Variants in KIRREL3 observed in about 807,000 individuals in gnomAD.
KIRREL3 encodes kirre like nephrin family adhesion molecule 3, also known as kin of IRRE-like protein 3.
Under a neutral mutation model 89.7 loss-of-function variants are expected in KIRREL3, and 36 were observed. The ratio of observed to expected loss-of-function variants is 0.40; its 90% CI spans 0.31 to 0.53. The LOEUF (loss-of-function observed/expected upper bound fraction) is 0.53. Ranked by LOEUF, KIRREL3 falls within the 20% of genes least tolerant of loss-of-function variation. The pLI, the probability that KIRREL3 is intolerant of heterozygous loss-of-function variation, is 0.49. For missense variants in KIRREL3, 864 were observed against 1,056.6 expected (o/e 0.82, Z 2.53); for synonymous variants, 445 against 441.4 (o/e 1.01, Z -0.10).
intron 1 of KIRREL3, among the ~76,000 whole-genome samples, chr11:126,760,840 T>A (rs1949645700): frequency 6.6e-6 from 1 of 152,238 alleles, no homozygotes; most frequent in Admixed American, 6.5e-5. Flanking sequence ...TAGGATTGTT[T>A]TAAGGATTCT....
Position 126,752,326 on chromosome 11 carries a change from C to A in KIRREL3, c.56-189414G>T, listed in dbSNP as rs1949362116. On this transcript the variant is annotated intron_variant, in intron 1 of 16. Transcript: ENST00000525144. The surrounding 1 kb of genome is among the most constrained non-coding windows in gnomAD (Gnocchi z 4.8). The stretch of plus-strand genomic sequence containing the variant: ...CCTCACTTTTGGATTTTGCAGATTC[C>A]TTTCCTGAGAGTTGAAATGATGGCT... 6.6e-6 allele frequency among the ~76,000 whole-genome samples: 1 copy of A among 151,996 alleles called. No individual in the cohort carries two copies. The highest frequency in any genetic ancestry group is 2.1e-4 in the South Asian group (1 of 4,804).
rs1360248617 is a variant in KIRREL3, at chr11:126,606,005, C to T, written c.56-43093G>A. The stretch of plus-strand genomic sequence containing the variant: ...TAGTGTGGTCCAGAGGGACGCAGGC[C>T]ATCTTGGGAAGGAATCCCAGTTGAC... On this transcript the variant is annotated intron_variant, in intron 1 of 16. Coordinates refer to ENST00000525144, the MANE Select transcript of KIRREL3 (RefSeq NM_032531.4). The surrounding 1 kb of genome is among the most constrained non-coding windows in gnomAD (Gnocchi z 4.6). Among the ~76,000 whole-genome samples the T allele has an allele frequency of 6.6e-6, 1 of 152,158 alleles. No homozygotes were observed. Among genetic ancestry groups the T allele is most frequent in the Non-Finnish European group, 1.5e-5 (1 of 68,036 alleles).
chr11:126,540,679 A>G (rs1308785468), intron 2 of KIRREL3, among the ~76,000 whole-genome samples: 8 of 152,232 alleles, frequency 5.3e-5, no homozygotes, highest in Non-Finnish European at 1.0e-4. Flanking sequence ...TGCTGGAAAT[A>G]TGGGCTCTTC....
chr11:126,773,961 A>T lies in KIRREL3; in HGVS notation c.56-211049T>A, dbSNP rs906630382. On this transcript the variant is annotated intron_variant, in intron 1 of 16. Coordinates refer to ENST00000525144, the MANE Select transcript of KIRREL3 (RefSeq NM_032531.4). This position sits in a 1 kb window ranked among gnomAD's most constrained non-coding sequence, Gnocchi z 4.2. The stretch of plus-strand genomic sequence containing the variant: ...TTTTTACTATTGAATATCTTATCAA[A>T]TAGGAACAAAGCCAGGGACAGGGTA... 6.6e-6 allele frequency among the ~76,000 whole-genome samples: 1 copy of T among 152,082 alleles called. No individual in the cohort carries two copies. The highest frequency in any genetic ancestry group is 1.5e-5 in the Non-Finnish European group (1 of 68,010).
At position 126,891,186 on chromosome 11, in the gene KIRREL3, C is replaced by T. The variant is rs1287777304; in HGVS notation, c.55+109269G>A. Reference sequence around the variant, plus strand: ...AGCCACAGTGGAAACATCTGAGAAGCGTCCCAAGATACTGCAAATTATAAA... The same window carrying T: ...AGCCACAGTGGAAACATCTGAGAAGTGTCCCAAGATACTGCAAATTATAAA... On this transcript the variant is annotated intron_variant, in intron 1 of 16. Coordinates refer to ENST00000525144, the MANE Select transcript of KIRREL3 (RefSeq NM_032531.4). This position sits in a 1 kb window ranked among gnomAD's most constrained non-coding sequence, Gnocchi z 5.1. Among the ~76,000 whole-genome samples, 1 of 152,218 alleles carries T rather than the reference C, an allele frequency of 6.6e-6. No homozygotes were observed. Among genetic ancestry groups the T allele is most frequent in the East Asian group, 1.9e-4 (1 of 5,174 alleles).
At chr11:126,861,069 AG>A (rs1405650537) in intron 1 of KIRREL3, among the ~76,000 whole-genome samples, 1 of 152,188 alleles carries the variant, frequency 6.6e-6, no homozygotes, top group African/African-American at 2.4e-5. Flanking sequence ...TCACATGGGT[AG>A]GGAAAAGGGC....
At chr11:126,637,620 A>T (rs940559879) in intron 1 of KIRREL3, among the ~76,000 whole-genome samples, 1 of 152,232 alleles carries the variant, frequency 6.6e-6, no homozygotes, top group Non-Finnish European at 1.5e-5. Context: ...AAACATGGCT[A>T]GTGCTGTCTG....
chr11:127,002,768 C>T (rs1950336728), upstream of KIRREL3: 1 of 152,170 alleles, frequency 6.6e-6, no homozygotes, highest in Admixed American at 6.5e-5. Context: ...ATTTTGAGTG[C>T]TAATTCCTCA....
rs970887839 is a variant in KIRREL3 at position 126,948,533 on chromosome 11, T to C, written c.55+51922A>G. On this transcript the variant is annotated intron_variant, in intron 1 of 16. Transcript: ENST00000525144. The surrounding 1 kb of genome is among the most constrained non-coding windows in gnomAD (Gnocchi z 4.5). ...ATAGTTCTTCCCCAGGGTTATGAGA[T>C]CAAGAAAACTATGAGGGATTTTAGG... 1.3e-5 allele frequency among the ~76,000 whole-genome samples: 2 copies of C among 152,304 alleles called. No individual in the cohort carries two copies. Among genetic ancestry groups the C allele is most frequent in the Admixed American group, 6.5e-5 (1 of 15,292 alleles).
At chr11:126,974,114 T>C (rs1466597825) in intron 1 of KIRREL3, among the ~76,000 whole-genome samples, 1 of 152,108 alleles carries the variant, frequency 6.6e-6, no homozygotes, top group Admixed American at 6.5e-5. Flanking sequence ...ATGCAAAATA[T>C]TGCAAATGCC....
At chr11:126,881,010 T>C (rs910050165) in intron 1 of KIRREL3, among the ~76,000 whole-genome samples, 12 of 152,240 alleles carry the variant, frequency 7.9e-5, no homozygotes, top group Admixed American at 6.5e-5. Flanking sequence ...TAACAGGCTG[T>C]ATGTTTGTGC....
intron 1 of KIRREL3, among the ~76,000 whole-genome samples, chr11:126,600,236 C>G (rs749862394): frequency 1.7e-4 from 26 of 152,134 alleles, no homozygotes; most frequent in Non-Finnish European, 3.7e-4. Flanking sequence ...ATCCAACTGA[C>G]AAGCATGTGA....
At chr11:126,779,903 GC>G (rs1950275698) in intron 1 of KIRREL3, among the ~76,000 whole-genome samples, 1 of 152,060 alleles carries the variant, frequency 6.6e-6, no homozygotes, top group Non-Finnish European at 1.5e-5. Context: ...CTACCATTGG[GC>G]CTTTAGGAAG....
chr11:126,597,918 A>G (rs868079027), intron 1 of KIRREL3, among the ~76,000 whole-genome samples: 1 of 152,242 alleles, frequency 6.6e-6, no homozygotes, highest in South Asian at 2.1e-4. Flanking sequence ...CACAGCAGCC[A>G]CTTAAGTCAC....
Position 126,775,377 on chromosome 11 carries a change from AAAGC to A in KIRREL3, c.56-212469_56-212466del, listed in dbSNP as rs1950141250. On this transcript the variant is annotated intron_variant, in intron 1 of 16. Transcript: ENST00000525144. ...TCCTGCCAGGATGGACACTTCCAAT[AAAGC>A]AAATTTTGCGGAGGAGATGCAGGCT... Among the ~76,000 whole-genome samples, 3 of 152,336 alleles carry A rather than the reference AAAGC, an allele frequency of 2.0e-5. No individual in the cohort carries two copies. In the South Asian group the frequency reaches 6.2e-4, roughly 32 times the overall value.
At position 126,807,864 on chromosome 11, in the gene KIRREL3, A is replaced by G. The variant is rs148927428; in HGVS notation, c.55+192591T>C. ...CTTTACATATATTGTCTCAAATAAT[A>G]GTCCTCATAGGAAGGTGACGAAAGG... On this transcript the variant is annotated intron_variant, in intron 1 of 16. Transcript: ENST00000525144. This position sits in a 1 kb window ranked among gnomAD's most constrained non-coding sequence, Gnocchi z 4.3. 6.6e-6 allele frequency among the ~76,000 whole-genome samples: 1 copy of G among 152,320 alleles called. No individual in the cohort carries two copies. Among genetic ancestry groups the G allele is most frequent in the African/African-American group, 2.4e-5 (1 of 41,546 alleles).
rs527938523 is a variant in KIRREL3, at chr11:126,572,307, G to T, written c.56-9395C>A. On this transcript the variant is annotated intron_variant, in intron 1 of 16. Transcript: ENST00000525144. ...TGCAAAGCCAGAGGCCCAATAACAG[G>T]TTATACATACAAGACTGATTTGTGA... Among the ~76,000 whole-genome samples the T allele has an allele frequency of 7.2e-5, 11 of 152,300 alleles. No homozygotes were observed. In the South Asian group the frequency reaches 2.3e-3, roughly 32 times the overall value.
In KIRREL3 at chr11:126,740,783, C is replaced by T. The variant is rs568584120; in HGVS notation, c.56-177871G>A. ...TTGCATTGCTGGGCTAAAATATATC[C>T]TTTCCTTGTTGGGAGCAGAGAGGGT... On this transcript the variant is annotated intron_variant, in intron 1 of 16. Transcript: ENST00000525144. The surrounding 1 kb of genome is among the most constrained non-coding windows in gnomAD (Gnocchi z 6.0). Among the ~76,000 whole-genome samples the T allele has an allele frequency of 6.6e-6, 1 of 152,128 alleles. No homozygotes were observed. Among genetic ancestry groups the T allele is most frequent in the Non-Finnish European group, 1.5e-5 (1 of 68,028 alleles).
chr11:126,869,440 G>C (rs1348445643), intron 1 of KIRREL3, among the ~76,000 whole-genome samples: 1 of 152,128 alleles, frequency 6.6e-6, no homozygotes, highest in Non-Finnish European at 1.5e-5. Context: ...ATGAGTTACT[G>C]GCACTGGAAT....
Sources: allele counts gnomAD v4.1 joint callset (sites outside exome capture counted in the v4.1 genomes callset), GRCh38; gene constraint gnomAD v4.1.1; non-coding constraint Gnocchi (gnomAD v3.1); transcripts MANE v1.5; gene names NCBI Gene and HGNC (gene_info 2026-07-23, HGNC 2026-07-21).